The following ZNF665 variants were observed in gnomAD, a reference collection of about 807,000 sequenced individuals.
The protein encoded by ZNF665 is zinc finger protein 665.
In ZNF665, 6 loss-of-function variants were observed where a neutral mutation model predicts 7.9. The ratio of observed to expected loss-of-function variants is 0.76; its 90% confidence interval spans 0.42 to 1.50. The LOEUF is 1.50. Among genes scored for constraint, ZNF665 ranks in the 40% most tolerant of loss-of-function variants. ZNF665 has a pLI of 0.01. For missense variants in ZNF665, 819 were observed against 806.7 expected, an observed-to-expected ratio of 1.02 and a Z score of -0.18; for synonymous variants, 242 against 274.5, an observed-to-expected ratio of 0.88 and a Z score of 1.17.
chr19:53,178,251 A>G (rs889092931), intron 2 of ZNF665, among the ~76,000 whole-genome samples: 2 of 152,220 alleles, frequency 1.3e-5, no homozygotes, highest in South Asian at 2.1e-4. Flanking sequence ...TAGATTCCCA[A>G]CATCCTTTTG....
chr19:53,179,144 C>T (rs373705974), intron 2 of ZNF665, among the ~76,000 whole-genome samples: 25 of 151,946 alleles, frequency 1.6e-4, no homozygotes, highest in Admixed American at 6.6e-4. Context: ...GAGGCCGAGG[C>T]GGGTGGATCA....
In ZNF665 at chr19:53,165,591, G is replaced by C. The variant is rs2090605377; in HGVS notation, c.899C>G (p.Thr300Ser). Residue 300 changes from threonine (T) to serine (S), a missense_variant, in exon 4 of 4, where the codon ACT becomes AGT. By Grantham distance (58) the Thr-to-Ser change is moderately conservative. Transcript: ENST00000396424. ...ATGACTTGCAAGGTGTGAATTTTGAGTGAAGCACTTGCCACATTCCTTACA... is the reference window on the plus strand; with the variant it reads ...ATGACTTGCAAGGTGTGAATTTTGACTGAAGCACTTGCCACATTCCTTACA... The part of the protein sequence containing the change: ...YKCKECGKCF[T>S]QNSHLASHRR... 2 of 1,613,522 alleles carry C rather than the reference G, an allele frequency of 1.2e-6. No homozygotes were observed. Among genetic ancestry groups the C allele is most frequent in the East Asian group, 2.2e-5 (1 of 44,814 alleles).
chr19:53,185,841 A>G (rs1463390189), intron 1 of ZNF665, among the ~76,000 whole-genome samples: 2 of 152,106 alleles, frequency 1.3e-5, no homozygotes, highest in African/African-American at 4.8e-5. Flanking sequence ...AAAGGAACAC[A>G]AAGAAGTTTT....
At chr19:53,185,110 T>A (rs903239141) in intron 1 of ZNF665, among the ~76,000 whole-genome samples, 2 of 151,788 alleles carry the variant, frequency 1.3e-5, no homozygotes, top group Non-Finnish European at 2.9e-5. Context: ...GGCCTCCGGA[T>A]AACTGCGGGC....
At chr19:53,192,949 G>C (rs1352692748) in intron 1 of ZNF665, among the ~76,000 whole-genome samples, 1 of 152,174 alleles carries the variant, frequency 6.6e-6, no homozygotes, top group Non-Finnish European at 1.5e-5. Context: ...CCCGGGACTG[G>C]GGCTGCGGCG....
rs1375523031 is a variant in ZNF665 at position 53,166,085 on chromosome 19, C to G, written c.405G>C (p.Arg135Ser). The change falls in exon 4 of 4, where the codon AGG becomes AGC. Residue 135 changes from arginine to serine, a missense_variant. By Grantham distance (110) the Arg-to-Ser change is moderately radical. Coordinates refer to ENST00000396424, the MANE Select transcript of ZNF665 (RefSeq NM_024733.5). ...AQRDRRAAGN[R>S]HIENQLGVSF... ...TTACTCCAAGCTGATTTTCAATATG[C>G]CTGTTTCCTGCAGCCCTTCTATCAC... 1 of 1,613,920 alleles carries G rather than the reference C, an allele frequency of 6.2e-7. No homozygotes were observed. The highest frequency in any genetic ancestry group is 1.3e-5 in the African/African-American group (1 of 74,916).
chr19:53,182,743 G>C (rs1341001366), intron 2 of ZNF665, 141 bp downstream of exon 2: 3 of 1,385,876 alleles, frequency 2.2e-6, no homozygotes, highest in South Asian at 1.2e-5. Flanking sequence ...AGTGAGATGA[G>C]AGGGACTGAG....
At chr19:53,167,467 T>TG (rs1163542551) in intron 3 of ZNF665, among the ~76,000 whole-genome samples, 1 of 151,096 alleles carries the variant, frequency 6.6e-6, no homozygotes, top group Non-Finnish European at 1.5e-5. Context: ...TCTCTCTTTT[T>TG]TTTTGGAGAC....
intron 1 of ZNF665, among the ~76,000 whole-genome samples, chr19:53,183,507 C>T (rs1272400534): frequency 1.3e-5 from 2 of 151,822 alleles, no homozygotes; most frequent in African/African-American, 4.9e-5. Flanking sequence ...AGGGGCCGAG[C>T]CCAGCACAGC....
rs895523802 is a variant in ZNF665 at position 53,182,716 on chromosome 19, AC to A, written c.15+167del. On this transcript the variant is annotated intron_variant, in intron 2 of 3. Transcript: ENST00000396424. ...CTTCCCAAGTTCATGTCACTGGGTCACCAGAGATGGAATCTAAGTGAGATGA... is the reference window on the plus strand; with the variant it reads ...CTTCCCAAGTTCATGTCACTGGGTCACAGAGATGGAATCTAAGTGAGATGA... 4 of 1,271,994 alleles carry A rather than the reference AC, an allele frequency of 3.1e-6. No homozygotes were observed. In the African/African-American group the frequency reaches 5.9e-5, roughly 19 times the overall value. The allele number at this position is 1,271,994 out of a possible 1,614,324, so 78.8% of individuals were successfully genotyped here. A position where few individuals can be genotyped will look rare whatever the true frequency, so the allele number is the denominator to read the frequency against.
At position 53,165,607 on chromosome 19, in the gene ZNF665, A is replaced by G; in HGVS notation, c.883T>C (p.Cys295Arg). ...GAATTTTGAGTGAAGCACTTGCCAC[A>G]TTCCTTACATTTGTAAGGTTTTTCT... ...TGEKPYKCKE[C>R]GKCFTQNSHL... The change falls in exon 4 of 4, where the codon TGT becomes CGT. Residue 295 changes from cysteine (C) to arginine (R), a missense_variant. Cys to Arg is a radical substitution (Grantham distance 180). Coordinates refer to ENST00000396424, the MANE Select transcript of ZNF665 (RefSeq NM_024733.5). 1 of 1,614,132 alleles carries G rather than the reference A, an allele frequency of 6.2e-7. No homozygotes were observed. Among genetic ancestry groups the G allele is most frequent in the Non-Finnish European group, 8.5e-7 (1 of 1,180,022 alleles).
rs905452045 is a variant in ZNF665, at chr19:53,182,773, G to C, written c.15+111C>G. The C allele has an allele frequency of 4.5e-6, 7 of 1,551,014 alleles. No homozygotes were observed. In the African/African-American group the frequency reaches 9.5e-5, roughly 21 times the overall value. ...ACTGAGGGAAGGCACGAGTGAGTGC[G>C]AGCAAACCTGTCAGGCAGGATGCTT... On this transcript the variant is annotated intron_variant, in intron 2 of 3. Coordinates refer to ENST00000396424, the MANE Select transcript of ZNF665 (RefSeq NM_024733.5).
In ZNF665 at chr19:53,165,204, G is replaced by C. The variant is rs771514469; in HGVS notation, c.1286C>G (p.Pro429Arg). The change falls in exon 4 of 4, where the codon CCT becomes CGT. Residue 429 changes from proline to arginine, a missense_variant. Physicochemically the swap from Pro to Arg is moderately radical, Grantham distance 103 (BLOSUM62 -2). Coordinates refer to ENST00000396424, the MANE Select transcript of ZNF665 (RefSeq NM_024733.5). The part of the protein sequence containing the change: ...NHRRIHTGEK[P>R]YRCDECGKAF... ...TTTGCCACACTCATCACACCTGTAA[G>C]GTTTCTCTCCAGTATGAATTCTTCG... 4 of 1,614,150 alleles carry C rather than the reference G, an allele frequency of 2.5e-6. No individual in the cohort carries two copies. Among genetic ancestry groups the C allele is most frequent in the African/African-American group, 2.7e-5 (2 of 75,034 alleles).
Position 53,162,710 on chromosome 19 carries a change from A to C in ZNF665, c.*1743T>G, listed in dbSNP as rs993362616. 3.3e-5 allele frequency: 5 copies of C among 151,646 alleles called. No homozygotes were observed. The highest frequency in any genetic ancestry group is 1.2e-4 in the African/African-American group (5 of 41,260). 9.4% of individuals were successfully genotyped at this position (151,646 alleles called of 1,614,324 possible). A position where few individuals can be genotyped will look rare whatever the true frequency, so the allele number is the denominator to read the frequency against. On this transcript the variant is annotated 3_prime_UTR_variant, in exon 4 of 4. Transcript: ENST00000396424. Reference sequence around the variant, plus strand: ...TCTACTAAAAATACAAACATTAGCCAGGCGTGGTGGTGCATGTCTGTAATC... The same window carrying C: ...TCTACTAAAAATACAAACATTAGCCCGGCGTGGTGGTGCATGTCTGTAATC...
In ZNF665 at chr19:53,185,919, GTTTTTTTTTT is replaced by G. The variant is rs999166261; in HGVS notation, c.-45-2986_-45-2977del. On this transcript the variant is annotated intron_variant, in intron 1 of 3. Coordinates refer to ENST00000396424, the MANE Select transcript of ZNF665 (RefSeq NM_024733.5). Reference sequence around the variant, plus strand: ...ACTACAGAAGGAAAAGTAGTTAAGGGTTTTTTTTTTTTTTTTTTTTTTTTTTTTAATTAAT... The same window carrying G: ...ACTACAGAAGGAAAAGTAGTTAAGGGTTTTTTTTTTTTTTTTTTAATTAAT... 1.4e-3 allele frequency among the ~76,000 whole-genome samples: 2 copies of G among 1,478 alleles called. 1 individual carries two copies. The highest frequency in any genetic ancestry group is 3.0e-3 in the Non-Finnish European group (2 of 662). The allele number at this position is 1,478 out of a possible 152,430, so 1.0% of individuals were successfully genotyped here.
rs1280008255 is a variant in ZNF665 at position 53,165,933 on chromosome 19, A to T, written c.557T>A (p.Val186Asp). The change falls in exon 4 of 4, where the codon GTC becomes GAC. Residue 186 changes from valine (V) to aspartate (D), a missense_variant. Physicochemically the swap from Val to Asp is radical, Grantham distance 152. Transcript: ENST00000396424. ...TGTTAGCCGTGAGTTTTGACTGAAG[A>T]CCTTGCCACATTCATCACATTTATA... ...KHYKCDECGK[V>D]FSQNSRLTSH... is the part of the protein sequence containing the mutation. 3.7e-6 allele frequency: 6 copies of T among 1,614,040 alleles called. No individual in the cohort carries two copies. Among genetic ancestry groups the T allele is most frequent in the African/African-American group, 1.3e-5 (1 of 75,028 alleles).
intron 3 of ZNF665, among the ~76,000 whole-genome samples, chr19:53,170,102 T>C (rs915545894): frequency 1.4e-5 from 2 of 146,452 alleles, no homozygotes; most frequent in Non-Finnish European, 1.5e-5. Context: ...CCCTGAGGAA[T>C]CGCCACACTG....
intron 3 of ZNF665, among the ~76,000 whole-genome samples, chr19:53,167,264 G>A (rs541356698): frequency 6.6e-6 from 1 of 152,130 alleles, no homozygotes; most frequent in South Asian, 2.1e-4. Context: ...GCCTCCCAAA[G>A]TGCTGGTATT....
At chr19:53,173,091 T>C (rs750491268) in intron 3 of ZNF665, among the ~76,000 whole-genome samples, 1 of 152,184 alleles carries the variant, frequency 6.6e-6, no homozygotes, top group African/African-American at 2.4e-5. Flanking sequence ...CACAAGCTTC[T>C]GGGCTCAAGG....
Sources: allele counts gnomAD v4.1 joint callset (sites outside exome capture counted in the v4.1 genomes callset), GRCh38; gene constraint gnomAD v4.1.1; transcripts MANE v1.5; gene names NCBI Gene and HGNC (gene_info 2026-07-23, HGNC 2026-07-21).